Variants in RALGPS1 observed in about 807,000 individuals in gnomAD.
The protein encoded by RALGPS1 is ras-specific guanine nucleotide-releasing factor RalGPS1.
A neutral mutation model predicts 78.8 loss-of-function variants in RALGPS1; 19 were observed. The ratio of observed to expected loss-of-function variants is 0.24; its 90% CI spans 0.17 to 0.35. RALGPS1 has a LOEUF of 0.35. RALGPS1 is among the 10% of genes least tolerant of loss of function. The pLI is 1.00. For missense variants in RALGPS1, 454 were observed against 688.3 expected, an observed-to-expected ratio of 0.66 and a Z score of 3.81; for synonymous variants, 228 against 256.3, an observed-to-expected ratio of 0.89 and a Z score of 1.06.
At chr9:126,977,597 A>G (rs1056202426) in intron 3 of RALGPS1, 98 bp from the exon 4 acceptor site, 1 of 734,832 alleles carries the variant, frequency 1.4e-6, no homozygotes, top group Non-Finnish European at 2.1e-6. Context: ...CAAAGGGGAA[A>G]GTATAACTTT....
Position 127,220,387 on chromosome 9 carries a change from T to G in RALGPS1, c.*1618T>G, listed in dbSNP as rs182596473. On this transcript the variant is annotated 3_prime_UTR_variant, in exon 19 of 19. Transcript: ENST00000259351. The stretch of plus-strand genomic sequence containing the variant: ...AAATAATGACAACTTCTTTAGAAAT[T>G]TGAATGGCTTGGTGAGGAAAGTAGT... The G allele has an allele frequency of 6.6e-6, 1 of 152,238 alleles. No homozygotes were observed. The highest frequency in any genetic ancestry group is 1.5e-5 in the Non-Finnish European group (1 of 68,036). The allele number at this position is 152,238 out of a possible 1,614,324, so 9.4% of individuals were successfully genotyped here. A position where few individuals can be genotyped will look rare whatever the true frequency, so the allele number is the denominator to read the frequency against.
chr9:127,009,063 CT>C (rs1046222175), intron 4 of RALGPS1, among the ~76,000 whole-genome samples: 1 of 152,250 alleles, frequency 6.6e-6, no homozygotes, highest in Non-Finnish European at 1.5e-5. Flanking sequence ...CCATTTTTCA[CT>C]GCACCACAGT....
At chr9:126,915,146 G>T in intron 1 of RALGPS1, 171 bp downstream of exon 1, 1 of 146,646 alleles carries the variant, frequency 6.8e-6, no homozygotes, top group Non-Finnish European at 1.5e-5. Context: ...GGGAGGCGGG[G>T]CCGGGGCCGT....
chr9:126,931,038 C>T (rs1291033901), intron 1 of RALGPS1, among the ~76,000 whole-genome samples: 1 of 152,168 alleles, frequency 6.6e-6, no homozygotes, highest in African/African-American at 2.4e-5. Context: ...GGTAATTAGG[C>T]CAGAGTAGGT....
intron 8 of RALGPS1, among the ~76,000 whole-genome samples, chr9:127,140,327 G>A (rs2057683848): frequency 6.6e-6 from 1 of 152,190 alleles, no homozygotes; most frequent in African/African-American, 2.4e-5. Context: ...AGCCGTCCGG[G>A]CACTTGTGTA....
chr9:127,083,309 T>G (rs1439470793), intron 8 of RALGPS1, among the ~76,000 whole-genome samples: 1 of 152,206 alleles, frequency 6.6e-6, no homozygotes, highest in East Asian at 1.9e-4. Context: ...CTGGGCCAGT[T>G]GGATCCTCTA....
intron 6 of RALGPS1, among the ~76,000 whole-genome samples, chr9:127,052,556 A>G (rs1302967911): frequency 6.6e-6 from 1 of 152,246 alleles, no homozygotes; most frequent in Non-Finnish European, 1.5e-5. Flanking sequence ...CTGCTGGGAC[A>G]GTATTCAGAT....
chr9:126,952,129 AG>A (rs1392921808), intron 1 of RALGPS1, among the ~76,000 whole-genome samples: 1 of 152,248 alleles, frequency 6.6e-6, no homozygotes, highest in African/African-American at 2.4e-5. Context: ...GGACCTCTTC[AG>A]TCTCCCAAGT....
intron 11 of RALGPS1, among the ~76,000 whole-genome samples, chr9:127,191,337 G>A (rs893298161): frequency 6.6e-6 from 1 of 151,714 alleles, no homozygotes; most frequent in South Asian, 2.1e-4. Flanking sequence ...TTTTTTCCCA[G>A]TAGTTTTGCT....
chr9:127,139,858 A>G (rs112000571), intron 8 of RALGPS1, among the ~76,000 whole-genome samples: 5 of 152,310 alleles, frequency 3.3e-5, no homozygotes, highest in Admixed American at 6.5e-5. Context: ...TATTTTATTC[A>G]TAGTCTGAGT....
chr9:127,163,695 C>T (rs191319907), intron 8 of RALGPS1, among the ~76,000 whole-genome samples: 1 of 152,344 alleles, frequency 6.6e-6, no homozygotes. Context: ...TGACCTTGAG[C>T]AAGTTACACA....
intron 8 of RALGPS1, among the ~76,000 whole-genome samples, chr9:127,160,089 A>T (rs922746563): frequency 2.6e-5 from 4 of 152,174 alleles, no homozygotes; most frequent in Non-Finnish European, 5.9e-5. Context: ...CAGGGTGGCG[A>T]TGGGAGAACA....
At position 127,091,626 on chromosome 9, in the gene RALGPS1, T is replaced by C; in HGVS notation, c.610+22270T>C. On this transcript the variant is annotated intron_variant, in intron 8 of 18. Coordinates refer to ENST00000259351, the MANE Select transcript of RALGPS1 (RefSeq NM_014636.3). This position sits in a 1 kb window ranked among gnomAD's most constrained non-coding sequence, Gnocchi z 4.3. ...TCAGGGGCTCTGGCTCTGGTTGACCTCTTTTCCCTACCCTGCACCTGGGTT... is the reference window on the plus strand; with the variant it reads ...TCAGGGGCTCTGGCTCTGGTTGACCCCTTTTCCCTACCCTGCACCTGGGTT... 1 of 1,591,396 alleles carries C rather than the reference T, an allele frequency of 6.3e-7. No homozygotes were observed. The highest frequency in any genetic ancestry group is 8.6e-7 in the Non-Finnish European group (1 of 1,167,262).
At chr9:126,989,084 G>GCAT (rs143688289) in intron 4 of RALGPS1, among the ~76,000 whole-genome samples, 1,637 of 151,702 alleles carry the variant, frequency 0.011, 15 homozygotes, top group Middle Eastern at 0.038. Context: ...ATCATCATCA[G>GCAT]CATCATCATC....
At chr9:126,971,912 A>G (rs1287908857) in intron 3 of RALGPS1, among the ~76,000 whole-genome samples, 1 of 152,260 alleles carries the variant, frequency 6.6e-6, no homozygotes, top group Non-Finnish European at 1.5e-5. Flanking sequence ...TTTTCAAAAT[A>G]GAAGAAAGGA....
intron 11 of RALGPS1, chr9:127,177,820 C>G: frequency 6.5e-7 from 1 of 1,544,418 alleles, no homozygotes; most frequent in Non-Finnish European, 8.8e-7. Flanking sequence ...AGGAGCCAGC[C>G]CTGGCCCAGC....
intron 8 of RALGPS1, among the ~76,000 whole-genome samples, chr9:127,128,726 C>G (rs552420790): frequency 6.6e-6 from 1 of 152,316 alleles, no homozygotes; most frequent in East Asian, 1.9e-4. Flanking sequence ...CCGCACCATG[C>G]CGGGTGGGGG....
At position 127,212,912 on chromosome 9, in the gene RALGPS1, C is replaced by T. The variant is rs749806362; in HGVS notation, c.1447-32C>T. The T allele has an allele frequency of 9.9e-6, 16 of 1,613,632 alleles. No homozygotes were observed. Among genetic ancestry groups the T allele is most frequent in the Admixed American group, 3.3e-5 (2 of 59,988 alleles). On this transcript the variant is annotated intron_variant, in intron 16 of 18. Coordinates refer to ENST00000259351, the MANE Select transcript of RALGPS1 (RefSeq NM_014636.3). The surrounding 1 kb of genome is among the most constrained non-coding windows in gnomAD (Gnocchi z 6.0). ...CCTTGTGGAGTGGAGGGCTGGGCCC[C>T]GGTCTCCGGATGTGTTGTTGCTCTC... is the stretch of plus-strand genomic sequence containing the variant.
chr9:127,194,138 A>G (rs766842943), intron 11 of RALGPS1, among the ~76,000 whole-genome samples: 43 of 152,232 alleles, frequency 2.8e-4, no homozygotes, highest in Non-Finnish European at 7.3e-5. Context: ...TAAATTAAGT[A>G]TGAGGGCTAA....
Sources: gnomAD v4.1 joint callset for allele counts (sites outside exome capture counted in the v4.1 genomes callset) on GRCh38, gnomAD v4.1.1 for gene constraint, Gnocchi (gnomAD v3.1) non-coding constraint, MANE v1.5 for transcripts, NCBI Gene and HGNC (gene_info 2026-07-23, HGNC 2026-07-21) for gene names.